SYT16: variants seen among roughly 807,000 people sequenced by gnomAD.
The protein encoded by SYT16 is synaptotagmin-16.
In SYT16, 42 loss-of-function variants were observed where a neutral mutation model predicts 61.4. The observed-to-expected ratio is 0.68, with a 90% CI of 0.53 to 0.89. The LOEUF (loss-of-function observed/expected upper bound fraction) is 0.89, where lower values mean the gene tolerates loss of function less well. Among genes scored for constraint, SYT16 ranks in the 40% least tolerant of loss-of-function variants. The pLI, the probability that SYT16 is intolerant of heterozygous loss-of-function variation, is 0.00. For synonymous variants in SYT16, 314 were observed against 302.3 expected (o/e 1.04, Z -0.40); for missense variants, 804 against 807.3 (o/e 1.00, Z 0.05).
intron 3 of SYT16, 133 bp downstream of exon 3, chr14:61,996,675 G>C: frequency 9.1e-7 from 1 of 1,099,438 alleles, no homozygotes; most frequent in Non-Finnish European, 1.3e-6. Flanking sequence ...ACTGGCTTCT[G>C]ATTGAGAGAT....
intron 2 of SYT16, among the ~76,000 whole-genome samples, chr14:61,981,688 A>G: frequency 6.6e-6 from 1 of 152,140 alleles, no homozygotes; most frequent in East Asian, 1.9e-4. Context: ...TTGACCCAGC[A>G]AATGAACATG....
At chr14:61,936,201 C>G (rs748314220) in intron 1 of SYT16, among the ~76,000 whole-genome samples, 10 of 152,094 alleles carry the variant, frequency 6.6e-5, no homozygotes, top group Non-Finnish European at 1.0e-4. Context: ...TGGAGAGAAT[C>G]GTGATTGAGA....
intron 1 of SYT16, among the ~76,000 whole-genome samples, chr14:61,815,998 A>G (rs1389463889): frequency 2.0e-5 from 3 of 152,156 alleles, no homozygotes; most frequent in South Asian, 2.1e-4. Flanking sequence ...ATCTAACTCT[A>G]TTATACCCCA....
intron 1 of SYT16, among the ~76,000 whole-genome samples, chr14:61,861,189 G>C (rs1026793860): frequency 6.6e-6 from 1 of 152,092 alleles, no homozygotes; most frequent in African/African-American, 2.4e-5. Context: ...ATATCCAGTG[G>C]ACTATTTTGT....
chr14:61,873,420 T>C (rs2047391233), intron 1 of SYT16, among the ~76,000 whole-genome samples: 1 of 152,170 alleles, frequency 6.6e-6, no homozygotes, highest in East Asian at 1.9e-4. Flanking sequence ...AAACCGTCTT[T>C]CCTTTTTCTC....
intron 1 of SYT16, among the ~76,000 whole-genome samples, chr14:61,850,247 G>A (rs1022406859): frequency 6.6e-6 from 1 of 151,488 alleles, no homozygotes; most frequent in Non-Finnish European, 1.5e-5. Context: ...TGATTCTCCT[G>A]CCTTAGCTTC....
intron 4 of SYT16, among the ~76,000 whole-genome samples, chr14:62,070,036 A>T (rs770693265): frequency 1.3e-5 from 2 of 152,194 alleles, no homozygotes; most frequent in African/African-American, 4.8e-5. Context: ...GTGGGTCTCA[A>T]TACTAGGTTG....
chr14:61,928,600 C>T (rs929389202), intron 1 of SYT16, among the ~76,000 whole-genome samples: 1 of 152,142 alleles, frequency 6.6e-6, no homozygotes, highest in Admixed American at 6.5e-5. Flanking sequence ...AGGTGAGAAG[C>T]CCAGTCTTCT....
chr14:62,097,551 T>A (rs759331161), intron 7 of SYT16, among the ~76,000 whole-genome samples: 3 of 152,234 alleles, frequency 2.0e-5, no homozygotes, highest in Non-Finnish European at 4.4e-5. Flanking sequence ...GCACAGCCTC[T>A]GCTCTGAAAG....
At chr14:61,883,096 G>A (rs1254352855) in intron 1 of SYT16, among the ~76,000 whole-genome samples, 1 of 152,194 alleles carries the variant, frequency 6.6e-6, no homozygotes, top group Non-Finnish European at 1.5e-5. Flanking sequence ...ACAGGCCCAG[G>A]AATCCATTTT....
intron 3 of SYT16, among the ~76,000 whole-genome samples, chr14:62,051,192 C>T (rs1434807790): frequency 6.6e-6 from 1 of 152,248 alleles, no homozygotes; most frequent in Non-Finnish European, 1.5e-5. Flanking sequence ...CCCCCAGCCT[C>T]ACTGCTGCCT....
At chr14:62,026,968 T>C (rs550247003) in intron 3 of SYT16, among the ~76,000 whole-genome samples, 29 of 152,204 alleles carry the variant, frequency 1.9e-4, no homozygotes, top group Non-Finnish European at 4.0e-4. Context: ...GTTTTTTTAA[T>C]GCATGTCTTA....
Position 61,865,621 on chromosome 14 carries a change from T to C in SYT16, c.-325+52811T>C, listed in dbSNP as rs2047124121. On this transcript the variant is annotated intron_variant, in intron 1 of 7. Coordinates refer to ENST00000683842, the MANE Select transcript of SYT16 (RefSeq NM_001367656.1). ...GCAAAGATATATTTATTTGCATTTTTCAGTAATATACATAGGAGCTGGAGA... is the reference window on the plus strand; with the variant it reads ...GCAAAGATATATTTATTTGCATTTTCCAGTAATATACATAGGAGCTGGAGA... Among the ~76,000 whole-genome samples, 3 of 152,260 alleles carry C rather than the reference T, an allele frequency of 2.0e-5. No homozygotes were observed. The South Asian group carries it at 6.2e-4, about 31-fold the overall frequency.
intron 1 of SYT16, among the ~76,000 whole-genome samples, chr14:61,892,692 G>C (rs925266829): frequency 6.6e-6 from 1 of 152,186 alleles, no homozygotes; most frequent in South Asian, 2.1e-4. Flanking sequence ...CCGATGGGGG[G>C]TGGTGACATC....
intron 1 of SYT16, among the ~76,000 whole-genome samples, chr14:61,920,971 G>A (rs780755661): frequency 9.2e-5 from 14 of 152,306 alleles, no homozygotes; most frequent in Non-Finnish European, 1.9e-4. Context: ...AGCAACTAAA[G>A]AGCCTCAGCC....
At chr14:62,019,181 A>G (rs938535044) in intron 3 of SYT16, among the ~76,000 whole-genome samples, 3 of 152,370 alleles carry the variant, frequency 2.0e-5, no homozygotes, top group African/African-American at 7.2e-5. Flanking sequence ...GAACAGAAGG[A>G]ATAACACTGT....
At chr14:62,020,511 T>G (rs1315824344) in intron 3 of SYT16, among the ~76,000 whole-genome samples, 6 of 152,180 alleles carry the variant, frequency 3.9e-5, no homozygotes, top group African/African-American at 1.4e-4. Context: ...TTTGGAGGGT[T>G]CAGTTGCAAA....
chr14:62,046,769 T>C (rs894441094), intron 3 of SYT16, among the ~76,000 whole-genome samples: 9 of 152,198 alleles, frequency 5.9e-5, no homozygotes, highest in Admixed American at 4.6e-4. Flanking sequence ...GTTGTAGATA[T>C]GTGGCATTAT....
In SYT16 at chr14:62,000,098, G is replaced by GGTTTTTTTTTTT. The variant is rs1566751979; in HGVS notation, c.523+3556_523+3557insGTTTTTTTTTTT. 8.4e-5 allele frequency among the ~76,000 whole-genome samples: 3 copies of GGTTTTTTTTTTT among 35,512 alleles called. 1 individual carries two copies. The highest frequency in any genetic ancestry group is 5.6e-4 in the African/African-American group (3 of 5,378). 23.3% of individuals were successfully genotyped at this position (35,512 alleles called of 152,430 possible). A position where few individuals can be genotyped will look rare whatever the true frequency, so the allele number is the denominator to read the frequency against. On this transcript the variant is annotated intron_variant, in intron 3 of 7. Coordinates refer to ENST00000683842, the MANE Select transcript of SYT16 (RefSeq NM_001367656.1). ...TTTTCTAATACTTATTTTGTCTCTC[G>GGTTTTTTTTTTT]ATTTTTTTTTTTTTTTTTTTTTTTT...
Sources: gnomAD v4.1 joint callset for allele counts (sites outside exome capture counted in the v4.1 genomes callset) on GRCh38, gnomAD v4.1.1 for gene constraint, MANE v1.5 for transcripts, NCBI Gene and HGNC (gene_info 2026-07-23, HGNC 2026-07-21) for gene names.